The following IQCM variants were observed in gnomAD, a reference collection of about 807,000 sequenced individuals.
IQCM encodes IQ domain-containing protein M.
In IQCM, 45 loss-of-function variants were observed where a neutral mutation model predicts 57.6. That is an observed-to-expected ratio of 0.78 (90% CI 0.62 to 1.00). The LOEUF is 1.00. Ranked by LOEUF, IQCM falls within the 50% of genes least tolerant of loss-of-function variation. IQCM has a pLI of 0.00. For missense variants in IQCM, 468 were observed against 511.6 expected, an observed-to-expected ratio of 0.91 and a Z score of 0.82; for synonymous variants, 148 against 158.9, an observed-to-expected ratio of 0.93 and a Z score of 0.51.
intron 5 of IQCM, among the ~76,000 whole-genome samples, chr4:149,716,153 C>T (rs1013636442): frequency 7.2e-5 from 11 of 152,206 alleles, no homozygotes; most frequent in Admixed American, 5.9e-4. Context: ...CTACAGCACC[C>T]ACAGCACCCA....
At chr4:149,469,209 G>C (rs940071326) in intron 12 of IQCM, among the ~76,000 whole-genome samples, 1 of 152,152 alleles carries the variant, frequency 6.6e-6, no homozygotes, top group Non-Finnish European at 1.5e-5. Flanking sequence ...CCACCGTAAA[G>C]AAGCTAAAAA....
At chr4:149,583,599 T>A (rs1377748688) in intron 9 of IQCM, among the ~76,000 whole-genome samples, 1 of 151,340 alleles carries the variant, frequency 6.6e-6, no homozygotes, top group Non-Finnish European at 1.5e-5. Flanking sequence ...ATCAAAAGAG[T>A]GTTTTATTCA....
chr4:149,685,122 T>G (rs1444493643), intron 6 of IQCM, among the ~76,000 whole-genome samples: 1 of 151,522 alleles, frequency 6.6e-6, no homozygotes, highest in Non-Finnish European at 1.5e-5. Context: ...CTGATCAGAT[T>G]TATTAATAAG....
At chr4:149,566,073 A>G (rs1579513419) in intron 9 of IQCM, among the ~76,000 whole-genome samples, 1 of 152,196 alleles carries the variant, frequency 6.6e-6, no homozygotes, top group African/African-American at 2.4e-5. Context: ...AGCTTAGAAA[A>G]GAGGCAGCTC....
chr4:149,761,164 A>C (rs1203967478), intron 2 of IQCM, among the ~76,000 whole-genome samples: 1 of 152,116 alleles, frequency 6.6e-6, no homozygotes, highest in Non-Finnish European at 1.5e-5. Context: ...AAATGATATA[A>C]AATCTAGCTT....
intron 7 of IQCM, among the ~76,000 whole-genome samples, chr4:149,668,191 C>T (rs1276671899): frequency 6.6e-6 from 1 of 152,146 alleles, no homozygotes; most frequent in Non-Finnish European, 1.5e-5. Context: ...GGTCGGGTTA[C>T]CTACAAAGGG....
chr4:149,469,584 T>A (rs950868025), intron 12 of IQCM, among the ~76,000 whole-genome samples: 8 of 152,132 alleles, frequency 5.3e-5, no homozygotes, highest in Non-Finnish European at 2.9e-5. Flanking sequence ...CCCAACCTAG[T>A]GAGGCAGGCC....
chr4:149,699,131 C>T (rs1763565433), intron 5 of IQCM, among the ~76,000 whole-genome samples: 2 of 151,930 alleles, frequency 1.3e-5, no homozygotes, highest in African/African-American at 4.8e-5. Flanking sequence ...AATATTATCT[C>T]AAATATGTAA....
intron 5 of IQCM, chr4:149,691,686 C>T (rs1762947484): frequency 6.6e-6 from 1 of 151,986 alleles, no homozygotes; most frequent in Middle Eastern, 3.2e-3. Flanking sequence ...AGGAGGTTTT[C>T]AAGTCAGATA....
chr4:149,713,935 A>G (rs1306305871), intron 5 of IQCM, among the ~76,000 whole-genome samples: 1 of 152,172 alleles, frequency 6.6e-6, no homozygotes, highest in East Asian at 1.9e-4. Context: ...AAGGGGAAAA[A>G]AGAAGTGCTC....
At chr4:149,422,110 C>A (rs1448749348) in intron 13 of IQCM, among the ~76,000 whole-genome samples, 1 of 151,956 alleles carries the variant, frequency 6.6e-6, no homozygotes, top group Non-Finnish European at 1.5e-5. Context: ...GAAAAGTCAT[C>A]ATTCTCCCCT....
chr4:149,753,387 T>C (rs1768647669), intron 2 of IQCM, among the ~76,000 whole-genome samples: 2 of 151,578 alleles, frequency 1.3e-5, no homozygotes, highest in African/African-American at 4.8e-5. Flanking sequence ...AGATATGAAA[T>C]AGAACAAATT....
intron 8 of IQCM, among the ~76,000 whole-genome samples, chr4:149,618,885 A>G (rs977112083): frequency 1.1e-4 from 16 of 152,216 alleles, no homozygotes; most frequent in Non-Finnish European, 1.8e-4. Flanking sequence ...TAGTGGAAAT[A>G]TAAGTTAGTA....
intron 5 of IQCM, among the ~76,000 whole-genome samples, chr4:149,696,440 T>A (rs1042961631): frequency 6.6e-6 from 1 of 152,100 alleles, no homozygotes; most frequent in African/African-American, 2.4e-5. Context: ...AAGCCAGCCT[T>A]TTTGTTTATG....
intron 12 of IQCM, among the ~76,000 whole-genome samples, chr4:149,460,737 C>G (rs568388003): frequency 1.1e-3 from 168 of 152,248 alleles, no homozygotes; most frequent in African/African-American, 3.5e-3. Flanking sequence ...CCAGAGGACA[C>G]AGAAAGCTGT....
Position 149,733,316 on chromosome 4 carries a change from G to T in IQCM, c.313C>A (p.Arg105=). 2 of 1,231,208 alleles carry T rather than the reference G, an allele frequency of 1.6e-6. No homozygotes were observed. Among genetic ancestry groups the T allele is most frequent in the Non-Finnish European group, 2.0e-6 (2 of 987,732 alleles). The allele number at this position is 1,231,208 out of a possible 1,614,324, so 76.3% of individuals were successfully genotyped here. The part of the protein sequence containing the change: ...KSEHLQEPPQ[R]ISFKEPHIFS... ...ATGTGTGGTTCCTTGAAGGAGATTC[G>T]TTGTGGGGGTTCCTGAAGATGCTCG... Residue 105 remains arginine, a synonymous_variant, in exon 5 of 14, where the codon CGA becomes AGA. Transcript: ENST00000636793.
intron 12 of IQCM, among the ~76,000 whole-genome samples, chr4:149,501,024 A>T (rs1743187461): frequency 1.3e-5 from 2 of 152,214 alleles, no homozygotes; most frequent in African/African-American, 4.8e-5. Flanking sequence ...CATTTTTGGA[A>T]GACAAAAATC....
At chr4:149,464,193 A>G (rs1000682646) in intron 12 of IQCM, among the ~76,000 whole-genome samples, 1 of 152,020 alleles carries the variant, frequency 6.6e-6, no homozygotes, top group Admixed American at 6.6e-5. Flanking sequence ...AAAGGACACA[A>G]CTCTACGTAA....
At chr4:149,482,655 C>T (rs1741035251) in intron 12 of IQCM, among the ~76,000 whole-genome samples, 1 of 151,572 alleles carries the variant, frequency 6.6e-6, no homozygotes, top group Middle Eastern at 3.4e-3. Context: ...ATAATCATTA[C>T]AACTTATTTT....
Sources: allele counts gnomAD v4.1 joint callset (sites outside exome capture counted in the v4.1 genomes callset), GRCh38; gene constraint gnomAD v4.1.1; transcripts MANE v1.5; gene names NCBI Gene and HGNC (gene_info 2026-07-23, HGNC 2026-07-21).